The following DDC variants were observed in gnomAD, a reference collection of about 807,000 sequenced individuals.
DDC encodes aromatic-L-amino-acid decarboxylase.
Under a neutral mutation model 60.0 loss-of-function variants are expected in DDC, and 43 were observed. The ratio of observed to expected loss-of-function variants is 0.72; its 90% confidence interval spans 0.56 to 0.92. The LOEUF is 0.92. DDC is among the 40% of genes least tolerant of loss of function. The pLI is 0.00. For synonymous variants in DDC, 232 were observed against 234.6 expected, an observed-to-expected ratio of 0.99 and a Z score of 0.10; for missense variants, 573 against 620.2, an observed-to-expected ratio of 0.92 and a Z score of 0.81.
At chr7:50,494,915 G>A (rs1435522033) in intron 9 of DDC, among the ~76,000 whole-genome samples, 5 of 152,044 alleles carry the variant, frequency 3.3e-5, no homozygotes, top group Non-Finnish European at 7.4e-5. Context: ...CACCCGCCTC[G>A]GCCTCCCAAA....
intron 12 of DDC, among the ~76,000 whole-genome samples, chr7:50,468,172 G>T (rs11575516): frequency 0.029 from 4,405 of 152,276 alleles, 94 homozygotes; most frequent in East Asian, 0.082. Flanking sequence ...ACAAAAACAC[G>T]TGTCATACGA....
intron 6 of DDC, among the ~76,000 whole-genome samples, chr7:50,506,211 G>A (rs1398624432): frequency 2.0e-5 from 3 of 152,216 alleles, no homozygotes; most frequent in Admixed American, 2.0e-4. Context: ...AGTGGTCAGG[G>A]CAGGAGGATA....
chr7:50,514,590 G>A (rs994272892), intron 6 of DDC, among the ~76,000 whole-genome samples: 1 of 152,236 alleles, frequency 6.6e-6, no homozygotes, highest in Admixed American at 6.5e-5. Context: ...AACAATACAA[G>A]AAGTAAGAGG....
At chr7:50,491,604 C>T (rs1342223272) in intron 9 of DDC, among the ~76,000 whole-genome samples, 2 of 152,180 alleles carry the variant, frequency 1.3e-5, no homozygotes, top group Non-Finnish European at 2.9e-5. Flanking sequence ...AAGCTGGATG[C>T]TTTCATGCAA....
chr7:50,490,363 C>T (rs943441722), intron 9 of DDC, among the ~76,000 whole-genome samples: 2 of 152,160 alleles, frequency 1.3e-5, no homozygotes, highest in Non-Finnish European at 2.9e-5. Flanking sequence ...TTGACTGGGA[C>T]TGAGGCTTTT....
At chr7:50,546,907 G>A (rs73695568) in intron 1 of DDC, among the ~76,000 whole-genome samples, 3,014 of 152,314 alleles carry the variant, frequency 0.02, 102 homozygotes, top group African/African-American at 0.068. Context: ...TGCTTCTTAA[G>A]CCAACGACCA....
chr7:50,563,925 T>G (rs1396456169), intron 1 of DDC: 1 of 152,170 alleles, frequency 6.6e-6, no homozygotes. Flanking sequence ...ATAATTTATT[T>G]ATTTATTGAG....
In DDC at chr7:50,490,523, A is replaced by G. The variant is rs190334826; in HGVS notation, c.944+4827T>C. Among the ~76,000 whole-genome samples, 79 of 152,286 alleles carry G rather than the reference A, an allele frequency of 5.2e-4. 1 individual carries two copies. The highest frequency in any genetic ancestry group is 6.8e-3 in the Middle Eastern group (2 of 294). ...ATCTCTACTAAAAATACAAAAAATT[A>G]GGCAGGCGTGGTGGCACGCTCCTGT... On this transcript the variant is annotated intron_variant, in intron 9 of 14. Transcript: ENST00000444124.
intron 9 of DDC, among the ~76,000 whole-genome samples, chr7:50,487,694 C>T (rs1477168637): frequency 2.0e-5 from 3 of 152,054 alleles, no homozygotes; most frequent in Non-Finnish European, 4.4e-5. Context: ...TAAAGGAGTA[C>T]TCATAAATTT....
chr7:50,476,365 A>C lies in DDC; in HGVS notation c.1041+259T>G, dbSNP rs732215. On this transcript the variant is annotated intron_variant, in intron 11 of 14. Transcript: ENST00000444124. ...TTTTCCTTCCAGAGGAATGAGGGGC[A>C]GAAGCTCCTTTCTCCTCCCCAGGAG... is the stretch of plus-strand genomic sequence containing the variant. Among the ~76,000 whole-genome samples, 64,678 of 152,000 alleles carry C rather than the reference A, an allele frequency of 0.43. 14,035 individuals are homozygous for C. Among genetic ancestry groups the C allele is most frequent in the Admixed American group, 0.52 (8,005 of 15,284 alleles).
chr7:50,494,201 T>C (rs11575435), intron 9 of DDC, among the ~76,000 whole-genome samples: 1 of 152,218 alleles, frequency 6.6e-6, no homozygotes, highest in Admixed American at 6.5e-5. Context: ...ACCAAGGTAT[T>C]ATCATGCTGT....
intron 4 of DDC, among the ~76,000 whole-genome samples, chr7:50,529,987 T>C (rs564675682): frequency 7.9e-5 from 12 of 152,088 alleles, no homozygotes; most frequent in Non-Finnish European, 1.5e-4. Context: ...TCTGATAATA[T>C]GAAATTTGCC....
At chr7:50,478,264 G>C (rs943284842) in intron 10 of DDC, among the ~76,000 whole-genome samples, 1 of 152,080 alleles carries the variant, frequency 6.6e-6, no homozygotes, top group African/African-American at 2.4e-5. Flanking sequence ...TGAAAATGAG[G>C]GAATGGCCCA....
In DDC at chr7:50,462,226, C is replaced by CAAAAAAAAAAAAAAAAAAA. The variant is rs11410259; in HGVS notation, c.*18+968_*18+986dup. ...TCTTCCACCAAATGGGACAAAAAGACAAAAAAAAAAAAAAAAAAAAAAGAA... is the reference window on the plus strand; with the variant it reads ...TCTTCCACCAAATGGGACAAAAAGACAAAAAAAAAAAAAAAAAAAAAAAAAAAAAAAAAAAAAAAAAGAA... On this transcript the variant is annotated intron_variant, in intron 14 of 14. Transcript: ENST00000444124. 7.3e-3 allele frequency among the ~76,000 whole-genome samples: 546 copies of CAAAAAAAAAAAAAAAAAAA among 75,228 alleles called. 1 individual carries two copies. The highest frequency in any genetic ancestry group is 7.8e-3 in the Non-Finnish European group (324 of 41,762). 49.4% of individuals were successfully genotyped at this position (75,228 alleles called of 152,430 possible). A position where few individuals can be genotyped will look rare whatever the true frequency, so the allele number is the denominator to read the frequency against.
chr7:50,518,204 T>A (rs2043790998), intron 6 of DDC, among the ~76,000 whole-genome samples: 1 of 101,406 alleles, frequency 9.9e-6, no homozygotes. Flanking sequence ...AGAGCGAGAC[T>A]CCATCTCAAA....
chr7:50,540,096 A>G, intron 2 of DDC, 68 bp from the exon 3 acceptor site: 9 of 1,247,982 alleles, frequency 7.2e-6, no homozygotes, highest in Non-Finnish European at 1.0e-5. Flanking sequence ...CGGGGGACCC[A>G]GGTACCCCCA....
intron 6 of DDC, among the ~76,000 whole-genome samples, chr7:50,522,952 CTCATGAGAATTCACTCACTA>C (rs1283261294): frequency 6.6e-6 from 1 of 152,144 alleles, no homozygotes; most frequent in Non-Finnish European, 1.5e-5. Flanking sequence ...ACAGCCGGAT[CTCATGAGAATTCACTCACTA>C]TCATGAGAAC....
chr7:50,562,607 C>T (rs1020709379), intron 1 of DDC, among the ~76,000 whole-genome samples: 48 of 152,192 alleles, frequency 3.2e-4, no homozygotes, highest in Non-Finnish European at 6.2e-4. Flanking sequence ...TGGCAATGCA[C>T]CCATGAGAAA....
chr7:50,540,009 G>A lies in DDC; in HGVS notation c.221C>T (p.Pro74Leu), dbSNP rs1045841207. The change falls in exon 3 of 15, where the codon CCC becomes CTC. Residue 74 changes from proline (P) to leucine (L), a missense_variant. Coordinates refer to ENST00000444124, the MANE Select transcript of DDC (RefSeq NM_001082971.2). ...IMPGVTHWHS[P>L]YFFAYFPTAS... ...AGTGGGGAAGTAGGCGAAGAAGTAG[G>A]GGCTGTGCCAGTGCGTCACCTGCAT... The A allele has an allele frequency of 6.2e-7, 1 of 1,613,682 alleles. No homozygotes were observed. The highest frequency in any genetic ancestry group is 1.3e-5 in the African/African-American group (1 of 74,906).
Sources: gnomAD v4.1 joint callset for allele counts (sites outside exome capture counted in the v4.1 genomes callset) on GRCh38, gnomAD v4.1.1 for gene constraint, MANE v1.5 for transcripts, NCBI Gene and HGNC (gene_info 2026-07-23, HGNC 2026-07-21) for gene names.